The following COBL variants were observed in gnomAD, a reference collection of about 807,000 sequenced individuals.
COBL encodes cordon-bleu WH2 repeat protein.
In COBL, 51 loss-of-function variants were observed where a neutral mutation model predicts 98.8. The ratio of observed to expected loss-of-function variants is 0.52; its 90% CI spans 0.41 to 0.65. COBL has a LOEUF of 0.65. COBL is among the 30% of genes least tolerant of loss of function. The pLI is 0.00. For synonymous variants in COBL, 634 were observed against 651.7 expected (o/e 0.97, Z 0.41); for missense variants, 1,617 against 1,617.5 (o/e 1.00, Z 0.01).
chr7:51,261,934 G>A (rs977660657), intron 1 of COBL, among the ~76,000 whole-genome samples: 3 of 152,158 alleles, frequency 2.0e-5, no homozygotes, highest in African/African-American at 7.2e-5. Flanking sequence ...GGCAACAAGA[G>A]TGAAACTCCA....
At chr7:51,194,286 C>A (rs1431615939) in intron 2 of COBL, among the ~76,000 whole-genome samples, 1 of 152,060 alleles carries the variant, frequency 6.6e-6, no homozygotes, top group African/African-American at 2.4e-5. Context: ...AGGACATGAT[C>A]TTGTTCTTTT....
chr7:51,313,780 G>T (rs1049650907), intron 1 of COBL, among the ~76,000 whole-genome samples: 2 of 152,174 alleles, frequency 1.3e-5, no homozygotes, highest in Admixed American at 6.5e-5. Context: ...TCAGACAAAC[G>T]CAAAGTAAAC....
intron 6 of COBL, among the ~76,000 whole-genome samples, chr7:51,098,249 A>G (rs1290687159): frequency 1.4e-5 from 1 of 72,938 alleles, no homozygotes; most frequent in African/African-American, 1.0e-4. Context: ...AGAAATAGGA[A>G]AAACAAATCC....
At chr7:51,286,930 A>G (rs995220352) in intron 1 of COBL, among the ~76,000 whole-genome samples, 1 of 152,230 alleles carries the variant, frequency 6.6e-6, no homozygotes, top group Non-Finnish European at 1.5e-5. Flanking sequence ...ACACAGCCAT[A>G]AAAAAGAATT....
intron 11 of COBL, among the ~76,000 whole-genome samples, chr7:51,025,846 T>C (rs1435014323): frequency 6.6e-6 from 1 of 152,100 alleles, no homozygotes; most frequent in Non-Finnish European, 1.5e-5. Context: ...GCCCAGGAAG[T>C]TTGTCCACTC....
intron 8 of COBL, chr7:51,032,112 A>G (rs1350063343): frequency 6.6e-6 from 1 of 152,284 alleles, no homozygotes; most frequent in Non-Finnish European, 1.5e-5. Context: ...GAGAGACTAC[A>G]GAGCTGCCCA....
intron 4 of COBL, among the ~76,000 whole-genome samples, chr7:51,187,145 G>T (rs1789604519): frequency 2.0e-5 from 3 of 151,922 alleles, no homozygotes; most frequent in Admixed American, 2.0e-4. Flanking sequence ...AAGGATGAAG[G>T]ACCCTTAAAG....
intron 5 of COBL, among the ~76,000 whole-genome samples, chr7:51,178,083 T>C (rs556861226): frequency 1.3e-5 from 2 of 151,942 alleles, no homozygotes; most frequent in South Asian, 4.2e-4. Context: ...GATATGGAGG[T>C]TGCAGTGAGC....
intron 1 of COBL, among the ~76,000 whole-genome samples, chr7:51,278,379 CTT>C (rs10649607): frequency 1.7e-5 from 2 of 119,514 alleles, no homozygotes; most frequent in Non-Finnish European, 1.7e-5. Context: ...TAGACAGGAT[CTT>C]TTTTTTTTTT....
At chr7:51,141,458 G>T (rs999997532) in intron 5 of COBL, among the ~76,000 whole-genome samples, 3 of 152,072 alleles carry the variant, frequency 2.0e-5, no homozygotes, top group South Asian at 2.1e-4. Flanking sequence ...AGATGGCTCT[G>T]TGCCCTAGTG....
At chr7:51,160,338 T>C (rs1786666187) in intron 5 of COBL, among the ~76,000 whole-genome samples, 1 of 152,216 alleles carries the variant, frequency 6.6e-6, no homozygotes, top group South Asian at 2.1e-4. Flanking sequence ...GTGGCCATAA[T>C]AACATATTGT....
chr7:51,272,948 CCAACAACAA>C lies in COBL; in HGVS notation c.41+43636_41+43644del, dbSNP rs202039697. On this transcript the variant is annotated intron_variant, in intron 1 of 12. Coordinates refer to ENST00000265136, the MANE Select transcript of COBL (RefSeq NM_015198.5). ...GCGTTTTCATCTATGGAACACAATA[CCAACAACAA>C]CAACAACAACAACAACAACAACAAC... 3.7e-3 allele frequency among the ~76,000 whole-genome samples: 542 copies of C among 146,204 alleles called. 1 individual carries two copies. Among genetic ancestry groups the C allele is most frequent in the Middle Eastern group, 0.01 (3 of 292 alleles).
chr7:51,061,159 T>C lies in COBL; in HGVS notation c.1097-17467A>G, dbSNP rs78484921. Among the ~76,000 whole-genome samples, 723 of 152,298 alleles carry C rather than the reference T, an allele frequency of 4.7e-3. 6 individuals are homozygous for C. Among genetic ancestry groups the C allele is most frequent in the African/African-American group, 0.016 (680 of 41,556 alleles). ...AAGACATTATAAATACCAGCTGTGATGTGACTAGTTTTAGAAATGAAAACA... is the reference window on the plus strand; with the variant it reads ...AAGACATTATAAATACCAGCTGTGACGTGACTAGTTTTAGAAATGAAAACA... On this transcript the variant is annotated intron_variant, in intron 7 of 12. Transcript: ENST00000265136.
chr7:51,208,436 T>TC (rs568962354), intron 2 of COBL, among the ~76,000 whole-genome samples: 4 of 135,472 alleles, frequency 3.0e-5, no homozygotes, highest in Non-Finnish European at 6.5e-5. Context: ...GGGAGGGAGG[T>TC]GGGGGGGGTC....
chr7:51,291,840 C>T (rs1330308061), intron 1 of COBL, among the ~76,000 whole-genome samples: 2 of 151,944 alleles, frequency 1.3e-5, no homozygotes, highest in Non-Finnish European at 2.9e-5. Flanking sequence ...GGAGCTTTTG[C>T]CTTAAAACGT....
intron 5 of COBL, among the ~76,000 whole-genome samples, chr7:51,155,738 G>GTGGTA (rs1786062450): frequency 1.3e-5 from 2 of 151,878 alleles, no homozygotes; most frequent in African/African-American, 4.8e-5. Flanking sequence ...GTTAAACAGA[G>GTGGTA]TGGTATCCAA....
At chr7:51,242,226 T>C (rs1795853368) in intron 1 of COBL, among the ~76,000 whole-genome samples, 1 of 152,222 alleles carries the variant, frequency 6.6e-6, no homozygotes, top group South Asian at 2.1e-4. Context: ...TCAGACTGAC[T>C]GTGGGCCACT....
intron 7 of COBL, among the ~76,000 whole-genome samples, chr7:51,062,459 C>T (rs907133001): frequency 1.3e-5 from 2 of 152,262 alleles, no homozygotes; most frequent in Non-Finnish European, 2.9e-5. Flanking sequence ...TCCCGGCGCT[C>T]GGCTGGCCTG....
intron 1 of COBL, among the ~76,000 whole-genome samples, chr7:51,244,569 C>G (rs1796119360): frequency 6.6e-6 from 1 of 152,138 alleles, no homozygotes; most frequent in African/African-American, 2.4e-5. Flanking sequence ...CCGATAGGGT[C>G]TCATGGGGCC....
Sources: gnomAD v4.1 joint callset for allele counts (sites outside exome capture counted in the v4.1 genomes callset) on GRCh38, gnomAD v4.1.1 for gene constraint, MANE v1.5 for transcripts, NCBI Gene and HGNC (gene_info 2026-07-23, HGNC 2026-07-21) for gene names.